The following CRYL1 variants were observed in gnomAD, a reference collection of about 807,000 sequenced individuals.
The protein encoded by CRYL1 is lambda-crystallin homolog.
A neutral mutation model predicts 36.6 loss-of-function variants in CRYL1; 29 were observed. The ratio of observed to expected loss-of-function variants is 0.79; its 90% CI spans 0.59 to 1.08. The LOEUF (loss-of-function observed/expected upper bound fraction) is 1.08. Among genes scored for constraint, CRYL1 ranks in the 50% least tolerant of loss-of-function variants. The probability of loss-of-function intolerance (pLI) is 0.00; values close to 1 mark genes in which losing one functional copy is unlikely to be tolerated. For missense variants in CRYL1, 411 were observed against 407.9 expected, an observed-to-expected ratio of 1.01 and a Z score of -0.06; for synonymous variants, 152 against 151.5, an observed-to-expected ratio of 1.00 and a Z score of -0.02.
chr13:20,518,725 G>A (rs192070745), intron 1 of CRYL1, among the ~76,000 whole-genome samples: 1,783 of 152,306 alleles, frequency 0.012, 18 homozygotes, highest in Middle Eastern at 0.031. Context: ...GGAGGCTGGT[G>A]CCCGATGCGA....
At chr13:20,460,033 T>G (rs1022611674) in intron 3 of CRYL1, among the ~76,000 whole-genome samples, 7 of 152,196 alleles carry the variant, frequency 4.6e-5, no homozygotes, top group Admixed American at 3.9e-4. Context: ...TGGAATTTTT[T>G]TCTTTAAACA....
Position 20,425,591 on chromosome 13 carries a change from T to C in CRYL1, c.633+6511A>G, listed in dbSNP as rs2031915221. ...GTGGAGAACTAGACCCATATGAATG[T>C]TGGTTGATAAGAGGAGAGAAGAAAT... On this transcript the variant is annotated intron_variant, in intron 5 of 7. Coordinates refer to ENST00000298248, the MANE Select transcript of CRYL1 (RefSeq NM_015974.3). This position sits in a 1 kb window ranked among gnomAD's most constrained non-coding sequence, Gnocchi z 4.4. Among the ~76,000 whole-genome samples the C allele has an allele frequency of 6.6e-6, 1 of 152,098 alleles. No homozygotes were observed. Among genetic ancestry groups the C allele is most frequent in the Non-Finnish European group, 1.5e-5 (1 of 68,020 alleles).
chr13:20,483,361 ACT>A (rs1335720148), intron 3 of CRYL1, among the ~76,000 whole-genome samples: 8 of 151,972 alleles, frequency 5.3e-5, no homozygotes, highest in African/African-American at 1.7e-4. Context: ...ACGGAGTCTC[ACT>A]CTGTCGCGCA....
intron 5 of CRYL1, chr13:20,426,901 C>T (rs2031945840): frequency 2.0e-6 from 2 of 985,426 alleles, no homozygotes; most frequent in African/African-American, 3.5e-5. Context: ...GCCCTAAGGA[C>T]AGCAGTCCAG....
intron 5 of CRYL1, 135 bp from the exon 6 acceptor site, chr13:20,413,522 C>T (rs1026740243): frequency 3.4e-6 from 2 of 581,794 alleles, no homozygotes; most frequent in Non-Finnish European, 6.2e-6. Context: ...GTACCACTTA[C>T]CGAATATGCT....
At chr13:20,430,118 C>A in intron 5 of CRYL1, 1 of 850,562 alleles carries the variant, frequency 1.2e-6, no homozygotes, top group Non-Finnish European at 1.4e-6. Context: ...TCCCACCCCA[C>A]CCCTGCCAGG....
Position 20,414,768 on chromosome 13 carries a change from A to G in CRYL1, c.634-1381T>C, listed in dbSNP as rs537688870. 3.9e-5 allele frequency among the ~76,000 whole-genome samples: 6 copies of G among 152,306 alleles called. No homozygotes were observed. In the South Asian group the frequency reaches 1.2e-3, roughly 32 times the overall value. ...TTGGCCTCACGTGGCTTTGGGATGG[A>G]GGCAGGCAAGCGCAGATAATGATCT... On this transcript the variant is annotated intron_variant, in intron 5 of 7. Coordinates refer to ENST00000298248, the MANE Select transcript of CRYL1 (RefSeq NM_015974.3).
At chr13:20,431,023 G>A (rs975555173) in intron 5 of CRYL1, 3 of 985,330 alleles carry the variant, frequency 3.0e-6, no homozygotes, top group African/African-American at 3.5e-5. Flanking sequence ...TCAAGACACA[G>A]AATCGAGGCA....
chr13:20,500,786 T>C lies in CRYL1; in HGVS notation c.150-11290A>G, dbSNP rs529782338. ...AGATGCCCCATGGTTGAGGAATCTATAAACAAGGGGAGACTGAAACCCACT... is the reference window on the plus strand; with the variant it reads ...AGATGCCCCATGGTTGAGGAATCTACAAACAAGGGGAGACTGAAACCCACT... On this transcript the variant is annotated intron_variant, in intron 2 of 7. Transcript: ENST00000298248. 1.7e-3 allele frequency among the ~76,000 whole-genome samples: 266 copies of C among 152,296 alleles called. 1 individual carries two copies. The highest frequency in any genetic ancestry group is 3.4e-3 in the Middle Eastern group (1 of 294).
intron 3 of CRYL1, among the ~76,000 whole-genome samples, chr13:20,478,010 G>A (rs1177540530): frequency 6.7e-6 from 1 of 148,496 alleles, no homozygotes; most frequent in Admixed American, 6.8e-5. Flanking sequence ...TATATGGGCA[G>A]GCTCCATGGT....
At chr13:20,522,241 T>C (rs756403802) in intron 1 of CRYL1, among the ~76,000 whole-genome samples, 7 of 152,064 alleles carry the variant, frequency 4.6e-5, no homozygotes, top group Non-Finnish European at 1.0e-4. Context: ...TCCCAACTAC[T>C]TGGGAGGCTG....
intron 2 of CRYL1, among the ~76,000 whole-genome samples, chr13:20,497,481 C>CACACACAACTACACACACACCACCAT (rs1565983788): frequency 0.014 from 11 of 782 alleles, 4 homozygotes; most frequent in African/African-American, 0.022. Context: ...CACACCACCA[C>CACACACAACTACACACACACCACCAT]ACACACAACT....
chr13:20,501,663 C>A (rs550289289), intron 2 of CRYL1, among the ~76,000 whole-genome samples: 1 of 152,154 alleles, frequency 6.6e-6, no homozygotes, highest in African/African-American at 2.4e-5. Flanking sequence ...TCATCTCCAG[C>A]CAACAGAAAT....
intron 5 of CRYL1, among the ~76,000 whole-genome samples, chr13:20,429,628 C>T (rs2032010246): frequency 6.6e-6 from 1 of 152,210 alleles, no homozygotes; most frequent in Admixed American, 6.5e-5. Flanking sequence ...GGCAAGATTT[C>T]TCTAGGGCCA....
intron 2 of CRYL1, among the ~76,000 whole-genome samples, chr13:20,510,689 T>G (rs1054372889): frequency 1.3e-5 from 2 of 150,444 alleles, no homozygotes; most frequent in Non-Finnish European, 3.0e-5. Flanking sequence ...CTCAGCTCAC[T>G]GCAATCTCCG....
At chr13:20,433,643 C>T (rs1480913347) in intron 4 of CRYL1, 1 of 154,238 alleles carries the variant, frequency 6.5e-6, no homozygotes, top group African/African-American at 2.4e-5. Flanking sequence ...AAACGCTTAA[C>T]CTCTGACCTT....
At position 20,435,710 on chromosome 13, in the gene CRYL1, T is replaced by G. The variant is rs1344472388; in HGVS notation, c.439-3414A>C. Reference sequence around the variant, plus strand: ...GCAGCGCAGCGCAGGGGCCTGGGCCTGCGCAGGCCGGCGGAGCACAAGGGA... The same window carrying G: ...GCAGCGCAGCGCAGGGGCCTGGGCCGGCGCAGGCCGGCGGAGCACAAGGGA... On this transcript the variant is annotated intron_variant, in intron 4 of 7. Coordinates refer to ENST00000298248, the MANE Select transcript of CRYL1 (RefSeq NM_015974.3). This position sits in a 1 kb window ranked among gnomAD's most constrained non-coding sequence, Gnocchi z 4.0. Among the ~76,000 whole-genome samples the G allele has an allele frequency of 5.3e-5, 8 of 152,172 alleles. No homozygotes were observed. Among genetic ancestry groups the G allele is most frequent in the Non-Finnish European group, 1.2e-4 (8 of 68,020 alleles).
intron 4 of CRYL1, among the ~76,000 whole-genome samples, chr13:20,436,673 C>A (rs750152184): frequency 6.6e-6 from 1 of 152,168 alleles, no homozygotes; most frequent in Non-Finnish European, 1.5e-5. Context: ...GCCTGGCCAG[C>A]GCCTTTCCCC....
intron 1 of CRYL1, among the ~76,000 whole-genome samples, chr13:20,524,662 C>T (rs1215378439): frequency 6.6e-6 from 1 of 152,186 alleles, no homozygotes; most frequent in East Asian, 1.9e-4. Context: ...CAGGGGTGAG[C>T]CACCGCGCGC....
Sources: gnomAD v4.1 joint callset for allele counts (sites outside exome capture counted in the v4.1 genomes callset) on GRCh38, gnomAD v4.1.1 for gene constraint, Gnocchi (gnomAD v3.1) non-coding constraint, MANE v1.5 for transcripts, NCBI Gene and HGNC (gene_info 2026-07-23, HGNC 2026-07-21) for gene names.